The following CDK14 variants were observed in gnomAD, a reference collection of about 807,000 sequenced individuals.
CDK14 encodes cyclin-dependent kinase 14.
In CDK14, 34 loss-of-function variants were observed where a neutral mutation model predicts 60.7. That is an observed-to-expected ratio of 0.56 (90% CI 0.43 to 0.75). CDK14 has a LOEUF of 0.75. CDK14 is among the 30% of genes least tolerant of loss of function. CDK14 has a pLI of 0.00. For synonymous variants in CDK14, 197 were observed against 203.7 expected, an observed-to-expected ratio of 0.97 and a Z score of 0.28; for missense variants, 482 against 564.1, an observed-to-expected ratio of 0.85 and a Z score of 1.47.
At chr7:90,808,564 A>G (rs1394455592) in intron 5 of CDK14, among the ~76,000 whole-genome samples, 3 of 152,322 alleles carry the variant, frequency 2.0e-5, no homozygotes, top group Non-Finnish European at 4.4e-5. Flanking sequence ...TCAACTAACG[A>G]GCAAAATAAC....
At chr7:90,793,016 T>C (rs997209388) in intron 5 of CDK14, among the ~76,000 whole-genome samples, 8 of 152,214 alleles carry the variant, frequency 5.3e-5, no homozygotes, top group Non-Finnish European at 1.0e-4. Flanking sequence ...GACCATCATT[T>C]TATGCATCTT....
intron 2 of CDK14, among the ~76,000 whole-genome samples, chr7:90,651,690 A>G (rs1800646113): frequency 6.6e-6 from 1 of 152,122 alleles, no homozygotes. Context: ...GGTGACAGTC[A>G]TACCAAGAGG....
chr7:91,015,996 T>A (rs1208489490), intron 10 of CDK14, among the ~76,000 whole-genome samples: 1 of 152,162 alleles, frequency 6.6e-6, no homozygotes, highest in Non-Finnish European at 1.5e-5. Context: ...ATCAGTATTT[T>A]CATGGAGAAC....
At chr7:91,010,514 T>A (rs1407945159) in intron 10 of CDK14, among the ~76,000 whole-genome samples, 1 of 152,090 alleles carries the variant, frequency 6.6e-6, no homozygotes, top group Non-Finnish European at 1.5e-5. Context: ...TATGCTATTG[T>A]AAATGGTATT....
At chr7:90,719,196 A>G (rs1802358029) in intron 2 of CDK14, among the ~76,000 whole-genome samples, 1 of 152,164 alleles carries the variant, frequency 6.6e-6, no homozygotes, top group Admixed American at 6.6e-5. Flanking sequence ...TTTCATGAAT[A>G]TCAAAAGAGC....
chr7:90,786,118 G>A (rs1161465650), intron 4 of CDK14, among the ~76,000 whole-genome samples: 1 of 152,150 alleles, frequency 6.6e-6, no homozygotes, highest in Non-Finnish European at 1.5e-5. Flanking sequence ...GGGCTAAGCT[G>A]GGAATGACAG....
intron 2 of CDK14, among the ~76,000 whole-genome samples, chr7:90,664,103 A>G (rs1270901501): frequency 6.6e-6 from 1 of 152,240 alleles, no homozygotes. Context: ...CAGGAAAAAA[A>G]CAACCCCATC....
At chr7:90,709,503 T>C in intron 2 of CDK14, 1 of 1,608,364 alleles carries the variant, frequency 6.2e-7, no homozygotes. Flanking sequence ...TCAATATCTT[T>C]CTGAAAAGAC....
chr7:90,904,971 A>G (rs957480821), intron 7 of CDK14, among the ~76,000 whole-genome samples: 3 of 152,170 alleles, frequency 2.0e-5, no homozygotes, highest in Admixed American at 6.6e-5. Flanking sequence ...GTGAAGTATG[A>G]AGGTAAAATT....
chr7:90,661,692 C>T (rs772828494), intron 2 of CDK14, among the ~76,000 whole-genome samples: 24 of 152,120 alleles, frequency 1.6e-4, no homozygotes, highest in Non-Finnish European at 2.8e-4. Flanking sequence ...GTGCTGGGAC[C>T]TCACTAAGCA....
chr7:90,987,427 C>T (rs944704781), intron 10 of CDK14, among the ~76,000 whole-genome samples: 15 of 151,958 alleles, frequency 9.9e-5, no homozygotes, highest in African/African-American at 3.4e-4. Flanking sequence ...ATGCCTCTTA[C>T]AATAAAATGT....
At chr7:91,010,757 TTTCTTTCCTTCC>T (rs1003805331) in intron 10 of CDK14, among the ~76,000 whole-genome samples, 9 of 149,236 alleles carry the variant, frequency 6.0e-5, no homozygotes, top group Non-Finnish European at 8.9e-5. Context: ...TCCTTCCTTC[TTTCTTTCCTTCC>T]TTCTTTCCTT....
chr7:90,613,147 C>T (rs558926697), intron 2 of CDK14, among the ~76,000 whole-genome samples: 10 of 152,208 alleles, frequency 6.6e-5, no homozygotes, highest in East Asian at 3.9e-4. Flanking sequence ...CAAATGTCTG[C>T]GTAGTGCTGT....
intron 1 of CDK14, among the ~76,000 whole-genome samples, chr7:90,600,491 G>C (rs188832958): frequency 6.6e-6 from 1 of 152,176 alleles, no homozygotes; most frequent in African/African-American, 2.4e-5. Flanking sequence ...CGATATTTGA[G>C]ATGAACACCA....
chr7:90,788,360 C>G (rs1376502787), intron 4 of CDK14, among the ~76,000 whole-genome samples: 1 of 152,164 alleles, frequency 6.6e-6, no homozygotes, highest in Non-Finnish European at 1.5e-5. Flanking sequence ...GTGAAGAGTA[C>G]AAGGTGCAGT....
intron 10 of CDK14, among the ~76,000 whole-genome samples, chr7:91,041,990 C>A (rs186711737): frequency 1.3e-5 from 2 of 152,062 alleles, no homozygotes; most frequent in Admixed American, 6.6e-5. Context: ...TAGCAATTAC[C>A]GGGTAGTGGT....
At chr7:90,989,352 G>A (rs976421780) in intron 10 of CDK14, among the ~76,000 whole-genome samples, 6 of 152,134 alleles carry the variant, frequency 3.9e-5, no homozygotes, top group African/African-American at 1.4e-4. Context: ...TCACAGATTT[G>A]TATCATCATT....
chr7:91,173,469 G>A (rs1189895017), intron 14 of CDK14, among the ~76,000 whole-genome samples: 1 of 151,780 alleles, frequency 6.6e-6, no homozygotes, highest in Non-Finnish European at 1.5e-5. Context: ...TGGCCGAATA[G>A]GAACAGCTCC....
chr7:90,789,546 C>T (rs759254717), intron 4 of CDK14, among the ~76,000 whole-genome samples: 3 of 151,934 alleles, frequency 2.0e-5, no homozygotes, highest in African/African-American at 4.8e-5. Context: ...TACAGTATAA[C>T]AACTATTTAC....
Sources: allele counts gnomAD v4.1 joint callset (sites outside exome capture counted in the v4.1 genomes callset), GRCh38; gene constraint gnomAD v4.1.1; transcripts MANE v1.5; gene names NCBI Gene and HGNC (gene_info 2026-07-23, HGNC 2026-07-21).